Variants in SNX29 observed in about 807,000 individuals in gnomAD.
SNX29 encodes sorting nexin-29.
Under a neutral mutation model 102.1 loss-of-function variants are expected in SNX29, and 78 were observed. That is an observed-to-expected ratio of 0.76 (90% CI 0.64 to 0.92). The LOEUF is 0.92. Ranked by LOEUF, SNX29 falls within the 40% of genes least tolerant of loss-of-function variation. SNX29 has a pLI of 0.00. For synonymous variants in SNX29, 580 were observed against 414.5 expected, an observed-to-expected ratio of 1.40 and a Z score of -4.85; for missense variants, 1,280 against 1,061.7, an observed-to-expected ratio of 1.21 and a Z score of -2.86.
At chr16:12,087,827 C>T in intron 11 of SNX29, 2 of 456,846 alleles carry the variant, frequency 4.4e-6, no homozygotes, top group South Asian at 1.5e-5. Context: ...TCCTCTTTCC[C>T]TCTTCCTCCT....
intron 13 of SNX29, among the ~76,000 whole-genome samples, chr16:12,145,565 T>G (rs956649248): frequency 3.3e-5 from 5 of 152,138 alleles, no homozygotes; most frequent in Non-Finnish European, 7.3e-5. Context: ...ACCAGAAAAG[T>G]TTAAAGAGGA....
At chr16:12,456,662 G>C (rs1489108236) in intron 18 of SNX29, among the ~76,000 whole-genome samples, 1 of 152,146 alleles carries the variant, frequency 6.6e-6, no homozygotes, top group Non-Finnish European at 1.5e-5. Flanking sequence ...AGGGATACGT[G>C]TGTGAGTACT....
intron 20 of SNX29, among the ~76,000 whole-genome samples, chr16:12,529,081 T>G (rs545324911): frequency 6.6e-6 from 1 of 152,354 alleles, no homozygotes; most frequent in South Asian, 2.1e-4. Context: ...CAAATCTGAG[T>G]TGAAGAATCG....
intron 11 of SNX29, among the ~76,000 whole-genome samples, chr16:12,093,405 T>C (rs1306832427): frequency 6.6e-6 from 1 of 150,588 alleles, no homozygotes; most frequent in Non-Finnish European, 1.5e-5. Flanking sequence ...AGGCCAGGAG[T>C]TCAAAACCAG....
At chr16:12,551,855 G>A (rs763584573) in intron 20 of SNX29, among the ~76,000 whole-genome samples, 2 of 152,152 alleles carry the variant, frequency 1.3e-5, no homozygotes, top group South Asian at 2.1e-4. Context: ...GGACACAGGA[G>A]CAGGCAGGTG....
intron 19 of SNX29, among the ~76,000 whole-genome samples, chr16:12,499,905 G>A (rs1457990021): frequency 1.3e-5 from 2 of 152,096 alleles, no homozygotes; most frequent in African/African-American, 2.4e-5. Context: ...TCAAACTCCT[G>A]GGCTCAAGGG....
intron 20 of SNX29, among the ~76,000 whole-genome samples, chr16:12,528,291 C>G (rs955810050): frequency 1.3e-5 from 2 of 152,078 alleles, no homozygotes; most frequent in African/African-American, 2.4e-5. Context: ...CCTCTACCTC[C>G]GGTTCAAGTG....
At chr16:12,301,368 C>T (rs912450446) in intron 15 of SNX29, among the ~76,000 whole-genome samples, 2 of 152,218 alleles carry the variant, frequency 1.3e-5, no homozygotes, top group African/African-American at 2.4e-5. Context: ...CCAGCCCCCT[C>T]AGCCTGCCCC....
chr16:12,549,761 G>T (rs1381060280), intron 20 of SNX29, among the ~76,000 whole-genome samples: 1 of 152,344 alleles, frequency 6.6e-6, no homozygotes, highest in African/African-American at 2.4e-5. Flanking sequence ...AGACCTGTTG[G>T]TGATTAGCAG....
chr16:12,070,408 A>G (rs1223361585), intron 10 of SNX29, among the ~76,000 whole-genome samples: 4 of 141,716 alleles, frequency 2.8e-5, no homozygotes, highest in Admixed American at 7.8e-5. Flanking sequence ...ATTCCTATCT[A>G]TGAGTGAGAA....
chr16:12,375,164 C>T (rs761792458), intron 16 of SNX29: 1 of 152,272 alleles, frequency 6.6e-6, no homozygotes, highest in African/African-American at 2.4e-5. Context: ...TTGGGGAACA[C>T]TCCTCTAGAT....
intron 3 of SNX29, among the ~76,000 whole-genome samples, chr16:12,004,060 G>A (rs989797761): frequency 2.0e-5 from 3 of 149,996 alleles, no homozygotes; most frequent in Non-Finnish European, 3.0e-5. Flanking sequence ...AATAAAATTC[G>A]GCTGGGCGCA....
At chr16:12,303,287 A>G (rs2080238266) in intron 15 of SNX29, among the ~76,000 whole-genome samples, 1 of 152,220 alleles carries the variant, frequency 6.6e-6, no homozygotes, top group Non-Finnish European at 1.5e-5. Context: ...ACCAGGAGAA[A>G]CACAGCCATG....
chr16:12,541,837 C>T (rs189548033), intron 20 of SNX29, among the ~76,000 whole-genome samples: 1 of 152,140 alleles, frequency 6.6e-6, no homozygotes, highest in Non-Finnish European at 1.5e-5. Flanking sequence ...CCCCTCTTCT[C>T]CCAGCTTTGT....
intron 20 of SNX29, among the ~76,000 whole-genome samples, chr16:12,541,423 G>A (rs916650275): frequency 4.6e-5 from 7 of 152,152 alleles, no homozygotes; most frequent in African/African-American, 1.4e-4. Flanking sequence ...TGAGGCTCAT[G>A]GAAGGTCATC....
intron 19 of SNX29, among the ~76,000 whole-genome samples, chr16:12,497,108 C>G (rs1279018062): frequency 6.6e-6 from 1 of 152,164 alleles, no homozygotes; most frequent in African/African-American, 2.4e-5. Flanking sequence ...CCTGTTATCT[C>G]CAGGACCAAT....
At chr16:12,015,311 G>T (rs961782078) in intron 3 of SNX29, among the ~76,000 whole-genome samples, 1 of 151,856 alleles carries the variant, frequency 6.6e-6, no homozygotes, top group Non-Finnish European at 1.5e-5. Flanking sequence ...GCTGTAGTGC[G>T]ATCTCAGCTC....
At chr16:12,150,452 C>G (rs562661159) in intron 13 of SNX29, among the ~76,000 whole-genome samples, 2 of 152,200 alleles carry the variant, frequency 1.3e-5, no homozygotes, top group African/African-American at 2.4e-5. Flanking sequence ...CCTCAAGGTA[C>G]GAGGCCAGAC....
At chr16:12,367,876 T>C (rs1402922037) in intron 16 of SNX29, among the ~76,000 whole-genome samples, 2 of 152,258 alleles carry the variant, frequency 1.3e-5, no homozygotes, top group East Asian at 3.8e-4. Flanking sequence ...ATATCTCACA[T>C]AGAGGCTTAA....
Sources: allele counts gnomAD v4.1 joint callset (sites outside exome capture counted in the v4.1 genomes callset), GRCh38; gene constraint gnomAD v4.1.1; transcripts MANE v1.5; gene names NCBI Gene and HGNC (gene_info 2026-07-23, HGNC 2026-07-21).